Variants in XKR9 observed in about 807,000 individuals in gnomAD.
The protein encoded by XKR9 is XK related 9, also known as XK-related protein 9.
Under a neutral mutation model 32.0 loss-of-function variants are expected in XKR9, and 32 were observed. The observed-to-expected ratio is 1.00, with a 90% CI of 0.76 to 1.34. The LOEUF is 1.34. Ranked by LOEUF, XKR9 falls within the 40% of genes most tolerant of loss-of-function variation. The pLI, the probability that XKR9 is intolerant of heterozygous loss-of-function variation, is 0.00. For missense variants in XKR9, 546 were observed against 429.7 expected (o/e 1.27, Z -2.39); for synonymous variants, 168 against 143.4 (o/e 1.17, Z -1.22).
At chr8:70,747,313 G>T (rs1355856301) in intron 2 of XKR9, among the ~76,000 whole-genome samples, 1 of 152,198 alleles carries the variant, frequency 6.6e-6, no homozygotes, top group East Asian at 1.9e-4. Context: ...TCTGCTTTTA[G>T]TTCTTTGAGA....
chr8:70,908,081 GATAAGGTTC>G, the XKR9 span, among the ~76,000 whole-genome samples: 1 of 152,016 alleles, frequency 6.6e-6, no homozygotes, highest in Admixed American at 6.6e-5. Flanking sequence ...TGTATAAATG[GATAAGGTTC>G]ATTTAAAAAA....
chr8:71,060,830 A>G, the XKR9 span, among the ~76,000 whole-genome samples: 3 of 152,326 alleles, frequency 2.0e-5, no homozygotes, highest in Admixed American at 2.0e-4. Flanking sequence ...GGGGAGTTTA[A>G]GCAACTTGGT....
At chr8:70,835,575 A>G in the XKR9 span, among the ~76,000 whole-genome samples, 8 of 152,088 alleles carry the variant, frequency 5.3e-5, no homozygotes, top group Non-Finnish European at 8.8e-5. Context: ...AAAATAGTCA[A>G]TCCTTTTTTT....
chr8:71,008,874 G>T, the XKR9 span, among the ~76,000 whole-genome samples: 1 of 152,122 alleles, frequency 6.6e-6, no homozygotes, highest in Non-Finnish European at 1.5e-5. Flanking sequence ...TTGCCATGTT[G>T]CCCAGGCCTG....
chr8:70,753,806 A>G (rs1807178188), intron 2 of XKR9, among the ~76,000 whole-genome samples: 1 of 149,636 alleles, frequency 6.7e-6, no homozygotes, highest in Non-Finnish European at 1.5e-5. Context: ...CACAGCCAAT[A>G]TCATGCTGAA....
chr8:70,740,526 T>G (rs919707418), downstream of XKR9, among the ~76,000 whole-genome samples: 1 of 152,178 alleles, frequency 6.6e-6, no homozygotes, highest in African/African-American at 2.4e-5. Context: ...TGCGTTCCTT[T>G]GGAGGAGAGG....
chr8:70,849,600 A>G, the XKR9 span, among the ~76,000 whole-genome samples: 96 of 152,348 alleles, frequency 6.3e-4, no homozygotes, highest in Non-Finnish European at 1.1e-3. Flanking sequence ...GCAGAAAACA[A>G]GAAATAAGTA....
the XKR9 span, among the ~76,000 whole-genome samples, chr8:70,978,366 C>G: frequency 1.3e-4 from 20 of 152,260 alleles, no homozygotes; most frequent in African/African-American, 4.8e-4. Context: ...TTTGGAGTGG[C>G]TGGTACTAGT....
At chr8:70,732,927 C>T (rs767631493) in intron 4 of XKR9, among the ~76,000 whole-genome samples, 5 of 152,088 alleles carry the variant, frequency 3.3e-5, no homozygotes, top group East Asian at 3.9e-4. Flanking sequence ...AGACCAGCCT[C>T]GCCAACATGG....
the XKR9 span, among the ~76,000 whole-genome samples, chr8:70,987,736 G>T: frequency 6.6e-6 from 1 of 152,194 alleles, no homozygotes; most frequent in Admixed American, 6.5e-5. Flanking sequence ...CAGTGCCCCA[G>T]TAGGAATTCT....
At position 70,681,309 on chromosome 8, in the gene XKR9, T is replaced by C; in HGVS notation, c.251T>C (p.Leu84Ser). 3 of 1,612,276 alleles carry C rather than the reference T, an allele frequency of 1.9e-6. No homozygotes were observed. Among genetic ancestry groups the C allele is most frequent in the Non-Finnish European group, 2.5e-6 (3 of 1,179,144 alleles). ...SQHCFLLLHC[L>S]QGGVFTRYWF... ...CATTGTTTTCTTCTACTTCATTGCT[T>C]GCAAGGAGGAGTTTTTACAAGGTGA... The change falls in exon 3 of 5, where the codon TTG becomes TCG. Residue 84 changes from leucine (L) to serine (S), a missense_variant. Transcript: ENST00000408926.
intron 3 of XKR9, among the ~76,000 whole-genome samples, chr8:70,702,587 G>A (rs878993874): frequency 1.3e-5 from 2 of 151,968 alleles, no homozygotes; most frequent in Admixed American, 6.5e-5. Context: ...TTTTTGCTTT[G>A]TGTACCTTAA....
intron 4 of XKR9, among the ~76,000 whole-genome samples, chr8:70,722,109 A>G (rs1806302220): frequency 6.6e-6 from 1 of 151,734 alleles, no homozygotes; most frequent in African/African-American, 2.4e-5. Context: ...ATCAGAGACT[A>G]GCATTGCAAC....
chr8:70,696,078 A>G (rs1805264065), intron 3 of XKR9, among the ~76,000 whole-genome samples: 1 of 150,706 alleles, frequency 6.6e-6, no homozygotes, highest in Non-Finnish European at 1.5e-5. Context: ...GATTCTGGAT[A>G]TTAGCCCTTT....
intron 1 of XKR9, among the ~76,000 whole-genome samples, chr8:70,669,922 TCC>T (rs1256467541): frequency 1.3e-5 from 2 of 152,164 alleles, no homozygotes; most frequent in Non-Finnish European, 2.9e-5. Context: ...CGCCTCGGCC[TCC>T]CAAAGTGCTG....
the XKR9 span, among the ~76,000 whole-genome samples, chr8:70,845,105 C>T: frequency 6.6e-6 from 1 of 152,214 alleles, no homozygotes; most frequent in Non-Finnish European, 1.5e-5. Flanking sequence ...TCCCCATTCC[C>T]AATAAAACCT....
chr8:70,679,315 T>C (rs1322954246), intron 2 of XKR9, among the ~76,000 whole-genome samples: 1 of 152,198 alleles, frequency 6.6e-6, no homozygotes, highest in Admixed American at 6.5e-5. Flanking sequence ...ATAACTAACA[T>C]TTACTGGGCC....
At chr8:71,038,597 C>T in the XKR9 span, among the ~76,000 whole-genome samples, 5 of 151,684 alleles carry the variant, frequency 3.3e-5, no homozygotes, top group South Asian at 8.4e-4. Context: ...GGATTACAGG[C>T]GTGAGCCACC....
At chr8:70,879,526 A>T in the XKR9 span, among the ~76,000 whole-genome samples, 1 of 152,312 alleles carries the variant, frequency 6.6e-6, no homozygotes, top group South Asian at 2.1e-4. Flanking sequence ...AATACTATAA[A>T]CACCTTTATG....
Sources: gnomAD v4.1 joint callset for allele counts (sites outside exome capture counted in the v4.1 genomes callset) on GRCh38, gnomAD v4.1.1 for gene constraint, MANE v1.5 for transcripts, NCBI Gene and HGNC (gene_info 2026-07-23, HGNC 2026-07-21) for gene names.